The following NEGR1 variants were observed in gnomAD, a reference collection of about 807,000 sequenced individuals.
The protein encoded by NEGR1 is IgLON family member 4.
NEGR1 carries 10 observed loss-of-function variants against 40.9 expected under a neutral mutation model. The observed-to-expected ratio is 0.24, with a 90% confidence interval of 0.15 to 0.42. NEGR1 has a LOEUF of 0.42. Ranked by LOEUF, NEGR1 falls within the 10% of genes least tolerant of loss-of-function variation. The pLI is 1.00. For synonymous variants in NEGR1, 185 were observed against 166.8 expected, an observed-to-expected ratio of 1.11 and a Z score of -0.84; for missense variants, 352 against 438.9, an observed-to-expected ratio of 0.80 and a Z score of 1.77.
At chr1:71,481,906 T>C (rs892348164) in intron 6 of NEGR1, among the ~76,000 whole-genome samples, 18 of 151,880 alleles carry the variant, frequency 1.2e-4, no homozygotes, top group African/African-American at 3.9e-4. Context: ...CCTTTGTTTC[T>C]CCCTTTTTTA....
At chr1:72,046,926 T>C (rs1294185472) in intron 1 of NEGR1, among the ~76,000 whole-genome samples, 1 of 151,630 alleles carries the variant, frequency 6.6e-6, no homozygotes, top group African/African-American at 2.4e-5. Context: ...TCACAGGCTG[T>C]TGGGGAAGTA....
intron 6 of NEGR1, among the ~76,000 whole-genome samples, chr1:71,509,860 G>C (rs1343348368): frequency 1.3e-5 from 2 of 152,202 alleles, no homozygotes. Context: ...CCTCAAAGGG[G>C]TGGCTAGCCA....
At chr1:72,098,468 T>C (rs959754702) in intron 1 of NEGR1, among the ~76,000 whole-genome samples, 3 of 152,064 alleles carry the variant, frequency 2.0e-5, no homozygotes, top group East Asian at 1.9e-4. Flanking sequence ...GAAATGCTTG[T>C]TCCTTGGAGA....
chr1:71,477,878 G>A (rs357245), intron 6 of NEGR1, among the ~76,000 whole-genome samples: 77,361 of 151,098 alleles, frequency 0.51, 20,020 homozygotes, highest in East Asian at 0.66. Context: ...AGACAACAAT[G>A]CTTCACTCTT....
At chr1:72,179,522 T>C (rs1652289485) in intron 1 of NEGR1, among the ~76,000 whole-genome samples, 1 of 152,120 alleles carries the variant, frequency 6.6e-6, no homozygotes, top group Admixed American at 6.6e-5. Context: ...TAGCACACTG[T>C]ATGTGTCCAG....
At chr1:71,460,926 T>C (rs1425420901) in intron 6 of NEGR1, among the ~76,000 whole-genome samples, 1 of 152,012 alleles carries the variant, frequency 6.6e-6, no homozygotes, top group Non-Finnish European at 1.5e-5. Context: ...TAGCTCCAGT[T>C]ATATACTTCA....
intron 1 of NEGR1, among the ~76,000 whole-genome samples, chr1:72,277,241 C>G (rs1314659000): frequency 6.6e-6 from 1 of 152,124 alleles, no homozygotes; most frequent in African/African-American, 2.4e-5. Context: ...CCCCCTCCAC[C>G]CCCATAACAC....
chr1:72,191,308 C>T (rs928344953), intron 1 of NEGR1, among the ~76,000 whole-genome samples: 10 of 151,638 alleles, frequency 6.6e-5, no homozygotes, highest in Admixed American at 3.3e-4. Context: ...ATCTCAACAT[C>T]GTTTCTATGT....
intron 3 of NEGR1, among the ~76,000 whole-genome samples, chr1:71,730,811 A>C (rs1654835829): frequency 6.6e-6 from 1 of 151,388 alleles, no homozygotes; most frequent in Non-Finnish European, 1.5e-5. Context: ...ATTTAAATCT[A>C]AGAGTCTTCT....
At chr1:71,552,488 A>G (rs192547416) in intron 6 of NEGR1, among the ~76,000 whole-genome samples, 1 of 148,430 alleles carries the variant, frequency 6.7e-6, no homozygotes, top group African/African-American at 2.4e-5. Context: ...ACTATAATAC[A>G]TTAGAAGAAT....
chr1:72,018,233 A>G (rs914096399), intron 1 of NEGR1, among the ~76,000 whole-genome samples: 2 of 152,180 alleles, frequency 1.3e-5, no homozygotes, highest in Admixed American at 6.5e-5. Flanking sequence ...GACTACTATG[A>G]GCCAGATATT....
intron 2 of NEGR1, among the ~76,000 whole-genome samples, chr1:71,884,832 C>T (rs1660680957): frequency 6.6e-6 from 1 of 152,168 alleles, no homozygotes; most frequent in Non-Finnish European, 1.5e-5. Flanking sequence ...TTCACATGGA[C>T]AAAGGCTGTA....
intron 2 of NEGR1, among the ~76,000 whole-genome samples, chr1:71,931,775 C>T (rs189801093): frequency 6.6e-6 from 1 of 152,224 alleles, no homozygotes; most frequent in Admixed American, 6.5e-5. Flanking sequence ...AGCACAATTC[C>T]TGACATATAT....
At position 71,544,809 on chromosome 1, in the gene NEGR1, A is replaced by G. The variant is rs533917900; in HGVS notation, c.940+48008T>C. On this transcript the variant is annotated intron_variant, in intron 6 of 6. Transcript: ENST00000357731. The stretch of plus-strand genomic sequence containing the variant: ...ACTGAGGTTCATTTTACTTTATAAG[A>G]ACACAGCAGGTCCAGTGGAAAGAAT... Among the ~76,000 whole-genome samples the G allele has an allele frequency of 3.3e-5, 5 of 151,770 alleles. No individual in the cohort carries two copies. In the East Asian group the frequency reaches 9.9e-4, roughly 30 times the overall value.
chr1:72,107,696 CTA>C (rs1208146868), intron 1 of NEGR1, among the ~76,000 whole-genome samples: 1 of 150,986 alleles, frequency 6.6e-6, no homozygotes, highest in Non-Finnish European at 1.5e-5. Flanking sequence ...AGAAAAATGA[CTA>C]TGTAGAATGA....
intron 2 of NEGR1, among the ~76,000 whole-genome samples, chr1:71,862,558 G>A (rs1480133220): frequency 6.6e-6 from 1 of 151,944 alleles, no homozygotes; most frequent in African/African-American, 2.4e-5. Context: ...GGAGTTGGTG[G>A]CTTTCCTCTC....
chr1:71,519,792 A>G (rs1369804822), intron 6 of NEGR1, among the ~76,000 whole-genome samples: 1 of 152,036 alleles, frequency 6.6e-6, no homozygotes, highest in South Asian at 2.1e-4. Context: ...TCACAAAGTC[A>G]AATGCACACT....
chr1:71,541,177 TG>T (rs1251497004), intron 6 of NEGR1, among the ~76,000 whole-genome samples: 1 of 151,564 alleles, frequency 6.6e-6, no homozygotes, highest in East Asian at 2.0e-4. Context: ...AAACTAGCTG[TG>T]ATATATTTTG....
rs1433148364 is a variant in NEGR1 at position 71,577,858 on chromosome 1, T to C, written c.940+14959A>G. The stretch of plus-strand genomic sequence containing the variant: ...CAAAAGATAATAATGTTGTCCTTTA[T>C]ATTTGAAGATAATGATTCTGAATCA... On this transcript the variant is annotated intron_variant, in intron 6 of 6. Coordinates refer to ENST00000357731, the MANE Select transcript of NEGR1 (RefSeq NM_173808.3). 6.6e-5 allele frequency among the ~76,000 whole-genome samples: 10 copies of C among 152,298 alleles called. 1 individual carries two copies. The South Asian group carries it at 1.9e-3, about 28-fold the overall frequency.
Sources: gnomAD v4.1 joint callset for allele counts (sites outside exome capture counted in the v4.1 genomes callset) on GRCh38, gnomAD v4.1.1 for gene constraint, MANE v1.5 for transcripts, NCBI Gene and HGNC (gene_info 2026-07-23, HGNC 2026-07-21) for gene names.